PPARG: variants seen among roughly 807,000 people sequenced by gnomAD.
PPARG encodes peroxisome proliferator-activated receptor gamma.
A neutral mutation model predicts 39.2 loss-of-function variants in PPARG; 17 were observed. The ratio of observed to expected loss-of-function variants is 0.43; its 90% CI spans 0.30 to 0.65. The LOEUF is 0.65. Among genes scored for constraint, PPARG ranks in the 30% least tolerant of loss-of-function variants. The pLI is 0.13. For synonymous variants in PPARG, 223 were observed against 215.7 expected (o/e 1.03, Z -0.30); for missense variants, 406 against 585.9 (o/e 0.69, Z 3.17).
chr3:12,324,690 C>A (rs1574991321), intron 2 of PPARG, among the ~76,000 whole-genome samples: 1 of 152,256 alleles, frequency 6.6e-6, no homozygotes, highest in South Asian at 2.1e-4. Context: ...AACCATATAG[C>A]TTTATTTATA....
intron 2 of PPARG, among the ~76,000 whole-genome samples, chr3:12,356,608 A>G (rs762750091): frequency 2.9e-4 from 44 of 152,202 alleles, no homozygotes; most frequent in Non-Finnish European, 5.4e-4. Flanking sequence ...CAAACTGCCA[A>G]TAGTCCTAAA....
intron 6 of PPARG, among the ~76,000 whole-genome samples, chr3:12,408,656 G>A (rs1479479048): frequency 6.8e-6 from 1 of 147,480 alleles, no homozygotes; most frequent in African/African-American, 2.6e-5. Flanking sequence ...CCTTGAACTC[G>A]GGGCTCAAGC....
chr3:12,423,209 A>T (rs904380248), intron 7 of PPARG, among the ~76,000 whole-genome samples: 2 of 152,252 alleles, frequency 1.3e-5, no homozygotes, highest in African/African-American at 4.8e-5. Flanking sequence ...CTAGGTTCTA[A>T]TATAGATAAG....
intron 1 of PPARG, among the ~76,000 whole-genome samples, chr3:12,296,254 CAAAAAAAAA>C (rs545210244): frequency 1.9e-4 from 9 of 48,626 alleles, no homozygotes; most frequent in African/African-American, 6.5e-4. Context: ...CACTTTGTCT[CAAAAAAAAA>C]AAAAAAAAAA....
At chr3:12,331,853 C>T (rs978317913) in intron 2 of PPARG, among the ~76,000 whole-genome samples, 1 of 151,970 alleles carries the variant, frequency 6.6e-6, no homozygotes, top group African/African-American at 2.4e-5. Context: ...TGAAGGAGGA[C>T]CAGTTTTAGG....
intron 5 of PPARG, among the ~76,000 whole-genome samples, chr3:12,400,251 A>T (rs2050425004): frequency 6.6e-6 from 1 of 152,250 alleles, no homozygotes; most frequent in Admixed American, 6.5e-5. Flanking sequence ...GTAATTAAGT[A>T]GCATTTGTCT....
chr3:12,401,088 T>G (rs933491265), intron 5 of PPARG, among the ~76,000 whole-genome samples: 2 of 152,190 alleles, frequency 1.3e-5, no homozygotes, highest in Admixed American at 6.5e-5. Flanking sequence ...ATGAGTACAC[T>G]CAGCCTTTAT....
chr3:12,347,239 G>C (rs910305195), intron 2 of PPARG, among the ~76,000 whole-genome samples: 4 of 151,574 alleles, frequency 2.6e-5, no homozygotes, highest in African/African-American at 7.3e-5. Context: ...AATCCTAGCT[G>C]CTCTGGAGGC....
At chr3:12,351,041 A>G (rs528469997) in intron 2 of PPARG, among the ~76,000 whole-genome samples, 2 of 152,356 alleles carry the variant, frequency 1.3e-5, no homozygotes, top group African/African-American at 2.4e-5. Context: ...CTATGGATAC[A>G]TATTTGAATT....
chr3:12,302,303 G>A (rs971885274), intron 1 of PPARG, among the ~76,000 whole-genome samples: 1 of 152,170 alleles, frequency 6.6e-6, no homozygotes, highest in African/African-American at 2.4e-5. Context: ...AATATCCCGA[G>A]TAGGTACATC....
intron 3 of PPARG, 116 bp from the exon 4 acceptor site, chr3:12,381,206 T>C: frequency 1.8e-6 from 2 of 1,084,878 alleles, no homozygotes; most frequent in Non-Finnish European, 2.8e-6. Context: ...TCCACTGTGC[T>C]TTTACACTGA....
chr3:12,421,290 T>C (rs1320290419), intron 7 of PPARG, among the ~76,000 whole-genome samples: 2 of 152,214 alleles, frequency 1.3e-5, no homozygotes, highest in African/African-American at 4.8e-5. Context: ...GAACAGCGCT[T>C]CCTTGGTCAT....
intron 7 of PPARG, among the ~76,000 whole-genome samples, chr3:12,430,711 A>G (rs1415082614): frequency 1.3e-5 from 2 of 152,176 alleles, no homozygotes; most frequent in Non-Finnish European, 2.9e-5. Context: ...CAGAGAAAGG[A>G]GATGAGATGA....
At chr3:12,330,238 T>A (rs996827933) in intron 2 of PPARG, among the ~76,000 whole-genome samples, 2 of 151,570 alleles carry the variant, frequency 1.3e-5, no homozygotes, top group Non-Finnish European at 2.9e-5. Flanking sequence ...TGCTATACCA[T>A]TCTGCATTCC....
At position 12,416,686 on chromosome 3, in the gene PPARG, TC is replaced by T; in HGVS notation, c.730-15del. ...AGAAATCTCCAAGTCATCCACGTTT[TC>T]CCTGTTTTATTTGCAGCCATTCGTT... On this transcript the variant is annotated splice_polypyrimidine_tract_variant and intron_variant, in intron 6 of 7. Coordinates refer to ENST00000651735, the MANE Select transcript of PPARG (RefSeq NM_138711.6). 6.2e-7 allele frequency: 1 copy of T among 1,608,512 alleles called. No homozygotes were observed. Among genetic ancestry groups the T allele is most frequent in the Non-Finnish European group, 8.5e-7 (1 of 1,176,048 alleles).
At chr3:12,291,129 T>TA (rs922148786) in intron 1 of PPARG, among the ~76,000 whole-genome samples, 1 of 152,210 alleles carries the variant, frequency 6.6e-6, no homozygotes, top group East Asian at 1.9e-4. Context: ...AGAGGATTTT[T>TA]AAAAACTCAC....
chr3:12,351,578 C>T, intron 2 of PPARG: 1 of 1,575,622 alleles, frequency 6.3e-7, no homozygotes, highest in Non-Finnish European at 8.7e-7. Context: ...CAGCAAACCC[C>T]TATTCCATGC....
intron 2 of PPARG, among the ~76,000 whole-genome samples, chr3:12,315,920 T>G (rs78378117): frequency 2.5e-3 from 381 of 152,278 alleles, no homozygotes; most frequent in Non-Finnish European, 4.4e-3. Flanking sequence ...GATCCACCAA[T>G]CATCATTACC....
chr3:12,289,691 T>C lies in PPARG; in HGVS notation c.-83+557T>C, dbSNP rs59902489. On this transcript the variant is annotated intron_variant, in intron 1 of 7. Coordinates refer to ENST00000651735, the MANE Select transcript of PPARG (RefSeq NM_138711.6). ...TGAGAACAGAACCAACTGATGGTGC[T>C]AGATGATTTAGAAAACCTTTCTGGT... Among the ~76,000 whole-genome samples, 651 of 152,344 alleles carry C rather than the reference T, an allele frequency of 4.3e-3. 4 individuals are homozygous for C. The highest frequency in any genetic ancestry group is 0.015 in the African/African-American group (610 of 41,574).
Sources: allele counts gnomAD v4.1 joint callset (sites outside exome capture counted in the v4.1 genomes callset), GRCh38; gene constraint gnomAD v4.1.1; transcripts MANE v1.5; gene names NCBI Gene and HGNC (gene_info 2026-07-23, HGNC 2026-07-21).